Variants in FUT8 observed in about 807,000 individuals in gnomAD.
The protein encoded by FUT8 is alpha-(1,6)-fucosyltransferase.
FUT8 carries 29 observed loss-of-function variants against 71.3 expected under a neutral mutation model. The ratio of observed to expected loss-of-function variants is 0.41; its 90% CI spans 0.30 to 0.55. The LOEUF (loss-of-function observed/expected upper bound fraction) is 0.55, where lower values mean the gene tolerates loss of function less well. FUT8 is among the 20% of genes least tolerant of loss of function. The pLI, the probability that FUT8 is intolerant of heterozygous loss-of-function variation, is 0.34. For missense variants in FUT8, 544 were observed against 702.1 expected (o/e 0.77, Z 2.55); for synonymous variants, 254 against 239.3 (o/e 1.06, Z -0.57).
chr14:65,583,749 G>A (rs1887216827), intron 3 of FUT8, among the ~76,000 whole-genome samples: 1 of 152,046 alleles, frequency 6.6e-6, no homozygotes, highest in African/African-American at 2.4e-5. Flanking sequence ...TAGAAGCTGT[G>A]AAGCTGTTTG....
chr14:65,524,916 G>A (rs932249822), intron 2 of FUT8, among the ~76,000 whole-genome samples: 5 of 152,160 alleles, frequency 3.3e-5, no homozygotes, highest in Non-Finnish European at 7.4e-5. Context: ...GCATCCCAGG[G>A]ATGAAGCCCA....
intron 1 of FUT8, among the ~76,000 whole-genome samples, chr14:65,441,176 T>C (rs2065649357): frequency 6.6e-6 from 1 of 152,066 alleles, no homozygotes; most frequent in Non-Finnish European, 1.5e-5. Flanking sequence ...TAACTTTTAA[T>C]TTTCTTTGTA....
intron 2 of FUT8, among the ~76,000 whole-genome samples, chr14:65,523,148 C>T (rs1464488820): frequency 6.6e-5 from 10 of 152,208 alleles, no homozygotes; most frequent in Admixed American, 1.3e-4. Context: ...GGAATCACCA[C>T]GCTGTCTTCC....
intron 2 of FUT8, among the ~76,000 whole-genome samples, chr14:65,547,153 A>C (rs750645327): frequency 5.3e-5 from 8 of 151,072 alleles, no homozygotes; most frequent in Non-Finnish European, 1.2e-4. Flanking sequence ...TGATTAGTCC[A>C]ACTGGAAGAT....
In FUT8 at chr14:65,730,144, T is replaced by A. The variant is rs139689986; in HGVS notation, c.1260-3087T>A. Among the ~76,000 whole-genome samples, 272 of 152,336 alleles carry A rather than the reference T, an allele frequency of 1.8e-3. 2 individuals are homozygous for A. The highest frequency in any genetic ancestry group is 6.3e-3 in the African/African-American group (263 of 41,570). The stretch of plus-strand genomic sequence containing the variant: ...TCAAAGTATATAGTATCCAAGGTAA[T>A]CATTGTAAGACTTTTCTGCTTCAAG... On this transcript the variant is annotated intron_variant, in intron 9 of 10. Coordinates refer to ENST00000673929, the MANE Select transcript of FUT8 (RefSeq NM_001371533.1).
chr14:65,587,393 C>A (rs1384724946), intron 3 of FUT8, among the ~76,000 whole-genome samples: 2 of 152,084 alleles, frequency 1.3e-5, no homozygotes, highest in African/African-American at 4.8e-5. Context: ...TAGTCCAAGT[C>A]TTTTGAATCT....
At chr14:65,684,183 C>T (rs1246433440) in intron 7 of FUT8, among the ~76,000 whole-genome samples, 1 of 151,370 alleles carries the variant, frequency 6.6e-6, no homozygotes, top group Non-Finnish European at 1.5e-5. Flanking sequence ...TATAATATAC[C>T]CTTAAATATT....
At chr14:65,419,476 C>A (rs146999093) in intron 1 of FUT8, among the ~76,000 whole-genome samples, 2 of 152,052 alleles carry the variant, frequency 1.3e-5, no homozygotes, top group African/African-American at 2.4e-5. Flanking sequence ...ATAATTAGGG[C>A]CTAATCAATT....
chr14:65,502,035 C>T (rs748152958), intron 2 of FUT8, among the ~76,000 whole-genome samples: 2 of 151,826 alleles, frequency 1.3e-5, no homozygotes, highest in Non-Finnish European at 2.9e-5. Flanking sequence ...CTCAGCCACC[C>T]AAGTAGCTGG....
chr14:65,569,327 T>G (rs1304073830), intron 3 of FUT8, among the ~76,000 whole-genome samples: 2 of 151,806 alleles, frequency 1.3e-5, no homozygotes, highest in African/African-American at 2.4e-5. Flanking sequence ...ATTTTTTTCC[T>G]TATGGAATTC....
the FUT8 span, among the ~76,000 whole-genome samples, chr14:65,392,057 C>G: frequency 6.6e-6 from 1 of 152,172 alleles, no homozygotes; most frequent in East Asian, 1.9e-4. Flanking sequence ...CTCAGCCTTC[C>G]AAGTAGCTGG....
Position 65,545,583 on chromosome 14 carries a change from C to G in FUT8, c.-227-15754C>G, listed in dbSNP as rs77468637. Among the ~76,000 whole-genome samples the G allele has an allele frequency of 4.4e-3, 663 of 151,728 alleles. 3 individuals are homozygous for G. Among genetic ancestry groups the G allele is most frequent in the African/African-American group, 0.015 (636 of 41,468 alleles). On this transcript the variant is annotated intron_variant, in intron 2 of 10. Coordinates refer to ENST00000673929, the MANE Select transcript of FUT8 (RefSeq NM_001371533.1). ...TTTCTGTTAAATTTTTCAGTTTATT[C>G]TATTATGTTGAATTACTTCAAGAAA...
At chr14:65,700,094 TTATGTTGTA>T (rs1365349486) in intron 7 of FUT8, among the ~76,000 whole-genome samples, 1 of 152,130 alleles carries the variant, frequency 6.6e-6, no homozygotes, top group Non-Finnish European at 1.5e-5. Flanking sequence ...CATAATCTGA[TTATGTTGTA>T]TATGTTGTTT....
rs376473739 is a variant in FUT8 at position 65,576,696 on chromosome 14, C to CTTTTTTTT, written c.203+14964_203+14971dup. 4.3e-4 allele frequency among the ~76,000 whole-genome samples: 41 copies of CTTTTTTTT among 96,210 alleles called. 3 individuals carry two copies. The highest frequency in any genetic ancestry group is 1.0e-3 in the African/African-American group (16 of 15,906). 63.1% of individuals were successfully genotyped at this position (96,210 alleles called of 152,430 possible). A position where few individuals can be genotyped will look rare whatever the true frequency, so the allele number is the denominator to read the frequency against. On this transcript the variant is annotated intron_variant, in intron 3 of 10. Transcript: ENST00000673929. Reference sequence around the variant, plus strand: ...GGTGTGTGCCATGATGCCCAGCTTGCTTTTTTTTTTTTTTTTTTTTTTTTT... The same window carrying CTTTTTTTT: ...GGTGTGTGCCATGATGCCCAGCTTGCTTTTTTTTTTTTTTTTTTTTTTTTTTTTTTTTT...
At chr14:65,556,660 A>G (rs1885601582) in intron 2 of FUT8, among the ~76,000 whole-genome samples, 2 of 152,230 alleles carry the variant, frequency 1.3e-5, no homozygotes, top group South Asian at 4.1e-4. Context: ...AGATGATACA[A>G]GGGCATGAAT....
the FUT8 span, among the ~76,000 whole-genome samples, chr14:65,402,196 A>ATTTTT: frequency 1.3e-5 from 1 of 75,832 alleles, no homozygotes; most frequent in African/African-American, 5.1e-5. Flanking sequence ...ATGGAGTGTG[A>ATTTTT]TTTTTTTTTT....
the FUT8 span, among the ~76,000 whole-genome samples, chr14:65,386,943 G>A: frequency 1.1e-4 from 16 of 147,584 alleles, 1 homozygote; most frequent in African/African-American, 4.0e-4. Flanking sequence ...CTGGGTTCAA[G>A]TGATTCTCCC....
At chr14:65,423,160 A>AT (rs1427878198) in intron 1 of FUT8, among the ~76,000 whole-genome samples, 1 of 144,930 alleles carries the variant, frequency 6.9e-6, no homozygotes. Context: ...TAATTTTTGT[A>AT]TTTTTTGTAG....
the FUT8 span, among the ~76,000 whole-genome samples, chr14:65,361,000 T>C: frequency 6.6e-6 from 1 of 152,060 alleles, no homozygotes; most frequent in East Asian, 1.9e-4. Flanking sequence ...TGAAAGAACT[T>C]TGGAAACTTT....
Sources: gnomAD v4.1 joint callset for allele counts (sites outside exome capture counted in the v4.1 genomes callset) on GRCh38, gnomAD v4.1.1 for gene constraint, MANE v1.5 for transcripts, NCBI Gene and HGNC (gene_info 2026-07-23, HGNC 2026-07-21) for gene names.